SLC24A2: variants seen among roughly 807,000 people sequenced by gnomAD.
SLC24A2 encodes the protein solute carrier family 24 member 2, also known as sodium/potassium/calcium exchanger 2.
In SLC24A2, 36 loss-of-function variants were observed where a neutral mutation model predicts 62.0. That is an observed-to-expected ratio of 0.58 (90% CI 0.44 to 0.77). SLC24A2 has a LOEUF of 0.77. Ranked by LOEUF, SLC24A2 falls within the 30% of genes least tolerant of loss-of-function variation. SLC24A2 has a pLI of 0.00. For missense variants in SLC24A2, 846 were observed against 817.9 expected (o/e 1.03, Z -0.42); for synonymous variants, 358 against 294.0 (o/e 1.22, Z -2.23).
chr9:20,012,000 A>G, the SLC24A2 span, among the ~76,000 whole-genome samples: 1 of 152,210 alleles, frequency 6.6e-6, no homozygotes, highest in Non-Finnish European at 1.5e-5. Flanking sequence ...CTCATGATAA[A>G]AACTTTTAAC....
chr9:19,997,149 G>A, the SLC24A2 span, among the ~76,000 whole-genome samples: 2 of 152,192 alleles, frequency 1.3e-5, no homozygotes, highest in Admixed American at 1.3e-4. Flanking sequence ...CAAGAAGAGA[G>A]ATTTAGAACT....
chr9:19,697,598 T>G (rs545345689), intron 2 of SLC24A2, among the ~76,000 whole-genome samples: 1 of 152,300 alleles, frequency 6.6e-6, no homozygotes, highest in African/African-American at 2.4e-5. Flanking sequence ...AGTAAATATT[T>G]TAATTTCCTT....
intron 2 of SLC24A2, among the ~76,000 whole-genome samples, chr9:19,667,478 G>A (rs1340106357): frequency 2.6e-5 from 4 of 152,098 alleles, no homozygotes; most frequent in Admixed American, 2.0e-4. Flanking sequence ...TACTGCTTCA[G>A]CTCCTTCCTT....
At chr9:20,300,794 G>A in the SLC24A2 span, among the ~76,000 whole-genome samples, 2 of 152,148 alleles carry the variant, frequency 1.3e-5, no homozygotes, top group Non-Finnish European at 2.9e-5. Flanking sequence ...GACTCTTGGG[G>A]ACCATGTCTT....
chr9:19,966,051 C>A, the SLC24A2 span, among the ~76,000 whole-genome samples: 1 of 152,176 alleles, frequency 6.6e-6, no homozygotes, highest in Non-Finnish European at 1.5e-5. Context: ...TTTTGATTGG[C>A]TTGATCTCTC....
At chr9:19,726,780 C>A (rs1821184121) in intron 2 of SLC24A2, among the ~76,000 whole-genome samples, 1 of 152,132 alleles carries the variant, frequency 6.6e-6, no homozygotes, top group Non-Finnish European at 1.5e-5. Context: ...TATTTTTGCA[C>A]CCTGTAGAAT....
chr9:20,273,328 C>G, the SLC24A2 span, among the ~76,000 whole-genome samples: 2 of 152,182 alleles, frequency 1.3e-5, no homozygotes, highest in African/African-American at 2.4e-5. Context: ...CTGCCTTATT[C>G]CCAGAGAAAA....
the SLC24A2 span, among the ~76,000 whole-genome samples, chr9:20,295,044 A>ATATATATATATATATATATATATATT: frequency 2.7e-5 from 4 of 146,404 alleles, no homozygotes; most frequent in African/African-American, 1.0e-4. Context: ...ATGTATATAT[A>ATATATATATATATATATATATATATT]TATATATATA....
chr9:19,747,638 A>G (rs1821871445), intron 2 of SLC24A2, among the ~76,000 whole-genome samples: 1 of 152,190 alleles, frequency 6.6e-6, no homozygotes, highest in African/African-American at 2.4e-5. Flanking sequence ...TTCTTGTCTT[A>G]CCTGGAAATT....
the SLC24A2 span, among the ~76,000 whole-genome samples, chr9:20,199,265 C>G: frequency 1.3e-5 from 2 of 152,196 alleles, no homozygotes; most frequent in Non-Finnish European, 2.9e-5. Flanking sequence ...AGAGTCCAGT[C>G]TGAGTCTAGG....
the SLC24A2 span, among the ~76,000 whole-genome samples, chr9:20,024,197 C>A: frequency 1.3e-5 from 2 of 152,136 alleles, no homozygotes; most frequent in African/African-American, 4.8e-5. Flanking sequence ...TAAAGGAAAA[C>A]AAATCTAAAC....
the SLC24A2 span, chr9:19,895,914 C>T: frequency 6.2e-7 from 1 of 1,613,520 alleles, no homozygotes; most frequent in Non-Finnish European, 8.5e-7. Context: ...CAAATTCTAA[C>T]ATCCTCCTCA....
the SLC24A2 span, among the ~76,000 whole-genome samples, chr9:20,086,386 C>T: frequency 1.3e-5 from 2 of 152,170 alleles, no homozygotes; most frequent in Non-Finnish European, 2.9e-5. Flanking sequence ...TAGCACAGGA[C>T]TCACCTTGAG....
intron 2 of SLC24A2, among the ~76,000 whole-genome samples, chr9:19,780,618 G>A (rs1202905631): frequency 6.6e-6 from 1 of 151,616 alleles, no homozygotes; most frequent in Non-Finnish European, 1.5e-5. Flanking sequence ...ATAGAGTGTA[G>A]GCTCACGCCT....
the SLC24A2 span, among the ~76,000 whole-genome samples, chr9:19,898,100 G>A: frequency 2.0e-5 from 3 of 152,168 alleles, no homozygotes; most frequent in East Asian, 1.9e-4. Context: ...AGAATAATCC[G>A]TAGCCACTTT....
chr9:20,002,627 G>A, the SLC24A2 span, among the ~76,000 whole-genome samples: 3 of 152,122 alleles, frequency 2.0e-5, no homozygotes, highest in African/African-American at 7.2e-5. Flanking sequence ...ATAGTTGAGA[G>A]CTCACTCTCT....
the SLC24A2 span, among the ~76,000 whole-genome samples, chr9:19,948,321 A>G: frequency 6.6e-6 from 1 of 152,220 alleles, no homozygotes; most frequent in Non-Finnish European, 1.5e-5. Flanking sequence ...GCAGGCTCCC[A>G]GTCTTTGCCT....
chr9:19,903,435 A>G, the SLC24A2 span, among the ~76,000 whole-genome samples: 497 of 152,292 alleles, frequency 3.3e-3, 10 homozygotes, highest in Non-Finnish European at 2.2e-3. Context: ...CCAAAGGCTT[A>G]CCTCCAAATA....
the SLC24A2 span, among the ~76,000 whole-genome samples, chr9:20,200,843 C>T: frequency 6.6e-6 from 1 of 152,088 alleles, no homozygotes; most frequent in South Asian, 2.1e-4. Flanking sequence ...AGCTTTTGGA[C>T]CGTAGTGTTA....
Sources: gnomAD v4.1 joint callset for allele counts (sites outside exome capture counted in the v4.1 genomes callset) on GRCh38, gnomAD v4.1.1 for gene constraint, MANE v1.5 for transcripts, NCBI Gene and HGNC (gene_info 2026-07-23, HGNC 2026-07-21) for gene names.